Variants in ADGRG4 observed in about 807,000 individuals in gnomAD.
ADGRG4 encodes adhesion G protein-coupled receptor G4.
ADGRG4 carries 122 observed loss-of-function variants against 126.2 expected under a neutral mutation model. The observed-to-expected ratio is 0.97, with a 90% CI of 0.83 to 1.12. The LOEUF is 1.12. Among genes scored for constraint, ADGRG4 ranks in the 50% most tolerant of loss-of-function variants. The probability of loss-of-function intolerance (pLI) is 0.00; values close to 1 mark genes in which losing one functional copy is unlikely to be tolerated. For synonymous variants in ADGRG4, 943 were observed against 838.7 expected (o/e 1.12, Z -2.15); for missense variants, 2,481 against 2,251.8 (o/e 1.10, Z -2.06).
At chrX:136,389,895 T>C (rs1987855555) in intron 16 of ADGRG4, among the ~76,000 whole-genome samples, 2 of 112,028 alleles carry the variant, frequency 1.8e-5, no homozygotes, top group African/African-American at 6.5e-5. Flanking sequence ...TGCCACTGGT[T>C]ATTGGGGAAA....
intron 5 of ADGRG4, among the ~76,000 whole-genome samples, chrX:136,338,437 C>T (rs1455234062): frequency 9.0e-6 from 1 of 111,290 alleles, no homozygotes; most frequent in East Asian, 2.8e-4. Flanking sequence ...CATGAGCCAC[C>T]AAGCCTGGCC....
intron 7 of ADGRG4, among the ~76,000 whole-genome samples, chrX:136,352,761 A>G (rs1292967429): frequency 8.9e-6 from 1 of 111,919 alleles, no homozygotes; most frequent in Non-Finnish European, 1.9e-5. Context: ...TCAAGTGTCT[A>G]TGGCTTGGTT....
intron 15 of ADGRG4, among the ~76,000 whole-genome samples, chrX:136,376,624 CT>C (rs1179051195): frequency 9.5e-4 from 89 of 94,000 alleles, no homozygotes; most frequent in Non-Finnish European, 1.6e-3. Context: ...AAGTATATTC[CT>C]GGGTATTGTA....
chrX:136,301,181 T>C (rs1405918528), intron 1 of ADGRG4, among the ~76,000 whole-genome samples, 181 bp downstream of exon 1: 1 of 112,036 alleles, frequency 8.9e-6, no homozygotes, highest in Non-Finnish European at 1.9e-5. Flanking sequence ...CACAATGGTT[T>C]AACCAGTTTA....
chrX:136,345,875 A>G lies in ADGRG4; in HGVS notation c.2169A>G (p.Arg723=), dbSNP rs1386552551. The change falls in exon 6 of 26, where the codon AGA becomes AGG. Residue 723 remains arginine, a synonymous_variant. Transcript: ENST00000394143. The stretch of plus-strand genomic sequence containing the variant: ...CTGCCAATGATGCTACTACAGCCAG[A>G]TATACAACAGCTGTATCCAAATTGA... The part of the protein sequence containing the change: ...GTTANDATTA[R]YTTAVSKLTS... 8.3e-7 allele frequency: 1 copy of G among 1,208,436 alleles called. No homozygotes were observed. The highest frequency in any genetic ancestry group is 1.1e-6 in the Non-Finnish European group (1 of 893,710).
rs767562866 is a variant in ADGRG4 at position 136,345,283 on chromosome X, A to G, written c.1577A>G (p.Glu526Gly). Residue 526 changes from glutamate to glycine, a missense_variant, in exon 6 of 26, where the codon GAA becomes GGA. Glu to Gly is a moderately conservative substitution (Grantham distance 98). Coordinates refer to ENST00000394143, the MANE Select transcript of ADGRG4 (RefSeq NM_153834.4). ...CCTGCCCCAAGGACAGCTGAAACAGAATTGACATCTACAAATTTTCAGGAT... is the reference window on the plus strand; with the variant it reads ...CCTGCCCCAAGGACAGCTGAAACAGGATTGACATCTACAAATTTTCAGGAT... The part of the protein sequence containing the change: ...TTPAPRTAET[E>G]LTSTNFQDVS... 2.5e-6 allele frequency: 3 copies of G among 1,210,853 alleles called. No homozygotes were observed. Among genetic ancestry groups the G allele is most frequent in the Non-Finnish European group, 3.4e-6 (3 of 894,858 alleles).
intron 15 of ADGRG4, among the ~76,000 whole-genome samples, chrX:136,385,749 A>G (rs1267864033): frequency 1.8e-5 from 2 of 112,422 alleles, no homozygotes; most frequent in African/African-American, 6.5e-5. Context: ...GATTTTTGTC[A>G]TAACAGGCAA....
chrX:136,405,662 T>G lies in ADGRG4; in HGVS notation c.8655-30T>G, dbSNP rs148360050. On this transcript the variant is annotated intron_variant, in intron 22 of 25. Coordinates refer to ENST00000394143, the MANE Select transcript of ADGRG4 (RefSeq NM_153834.4). ...AGAAATAGGACTTTATGTTTCCCTA[T>G]CTCATGATAGTCTTCTTTGTTTCTT... The G allele has an allele frequency of 8.6e-5, 93 of 1,076,148 alleles. No individual in the cohort carries two copies. The African/African-American group carries it at 1.7e-3, about 19-fold the overall frequency. The allele number at this position is 1,076,148 out of a possible 1,213,427, so 88.7% of individuals were successfully genotyped here. A position where few individuals can be genotyped will look rare whatever the true frequency, so the allele number is the denominator to read the frequency against.
chrX:136,386,049 A>G (rs1017817463), intron 15 of ADGRG4, among the ~76,000 whole-genome samples: 1 of 111,896 alleles, frequency 8.9e-6, no homozygotes, highest in Non-Finnish European at 1.9e-5. Flanking sequence ...GATGTCCTTC[A>G]CAGCATTAGT....
intron 2 of ADGRG4, among the ~76,000 whole-genome samples, 190 bp from the exon 3 acceptor site, chrX:136,304,665 T>C (rs1313121668): frequency 2.7e-5 from 3 of 112,225 alleles, no homozygotes; most frequent in Non-Finnish European, 5.6e-5. Flanking sequence ...GCATAGTTTA[T>C]GAAGTATTGA....
In ADGRG4 at chrX:136,361,535, A is replaced by G; in HGVS notation, c.7225A>G (p.Thr2409Ala). 1 of 1,193,429 alleles carries G rather than the reference A, an allele frequency of 8.4e-7. No individual in the cohort carries two copies. The highest frequency in any genetic ancestry group is 1.7e-5 in the African/African-American group (1 of 57,358). Residue 2409 changes from threonine to alanine, a missense_variant, in exon 12 of 26, where the codon ACA (threonine) becomes GCA (alanine). Thr to Ala is a moderately conservative substitution (Grantham distance 58). Transcript: ENST00000394143. ...GTGGCTATTAACCAACCCTACGGAG[A>G]CAGCCCAAACCAGATGCATAAAAAA... The part of the protein sequence containing the change: ...YKWLLTNPTE[T>A]AQTRCIKNED...
chrX:136,382,140 A>G (rs766807219), intron 15 of ADGRG4, among the ~76,000 whole-genome samples: 2 of 111,257 alleles, frequency 1.8e-5, no homozygotes, highest in South Asian at 7.7e-4. Flanking sequence ...ACCCATACAC[A>G]TTTCCTGAGA....
intron 5 of ADGRG4, among the ~76,000 whole-genome samples, chrX:136,324,485 G>C (rs2074860437): frequency 9.0e-6 from 1 of 110,860 alleles, no homozygotes; most frequent in Admixed American, 9.6e-5. Flanking sequence ...ATAGCTCACT[G>C]TAACCTCTAA....
At chrX:136,323,427 G>A in intron 5 of ADGRG4, 35 bp downstream of exon 5, 2 of 1,164,003 alleles carry the variant, frequency 1.7e-6, no homozygotes, top group South Asian at 4.0e-5. Context: ...CTTAGCAAGG[G>A]TAGTGTTGAC....
chrX:136,397,197 AC>A (rs1701066067), intron 19 of ADGRG4, among the ~76,000 whole-genome samples: 2 of 111,255 alleles, frequency 1.8e-5, no homozygotes, highest in Non-Finnish European at 3.8e-5. Context: ...AGTTGTGACA[AC>A]CAAAAATGTC....
chrX:136,334,070 CTCTCTCTTTCTT>C (rs1569319237), intron 5 of ADGRG4, among the ~76,000 whole-genome samples: 2 of 91,187 alleles, frequency 2.2e-5, no homozygotes, highest in South Asian at 5.9e-4. Context: ...GGTTGAGGTT[CTCTCTCTTTCTT>C]TCTTTCTTTC....
intron 8 of ADGRG4, among the ~76,000 whole-genome samples, chrX:136,354,968 T>C (rs778239356): frequency 2.1e-4 from 23 of 111,386 alleles, no homozygotes; most frequent in Admixed American, 1.1e-3. Context: ...AACATCATTA[T>C]GTCAGCATTC....
In ADGRG4 at chrX:136,395,444, A is replaced by G. The variant is rs373102583; in HGVS notation, c.8135A>G (p.Asn2712Ser). 4.2e-6 allele frequency: 5 copies of G among 1,204,342 alleles called. No homozygotes were observed. In the African/African-American group the frequency reaches 8.7e-5, roughly 21 times the overall value. Residue 2712 changes from asparagine to serine, a missense_variant, in exon 19 of 26, where the codon AAT becomes AGT. Transcript: ENST00000394143. ...TGTAAAGTAAAGGAAACAAATGTAA[A>G]TTACACAATCTGTCAGTGTGACCAC... ...SGCKVKETNV[N>S]YTICQCDHLT...
In ADGRG4 at chrX:136,397,870, G is replaced by T. The variant is rs2075359157; in HGVS notation, c.8185-11G>T. On this transcript the variant is annotated splice_polypyrimidine_tract_variant and intron_variant, in intron 19 of 25. Transcript: ENST00000394143. ...GTGTATGTGTAAAACACAACACATT[G>T]TGTTCCTTAGGATTTATCCAGGTCT... is the stretch of plus-strand genomic sequence containing the variant. 8.3e-7 allele frequency: 1 copy of T among 1,205,271 alleles called. No individual in the cohort carries two copies. The highest frequency in any genetic ancestry group is 1.1e-6 in the Non-Finnish European group (1 of 891,202).
Sources: gnomAD v4.1 joint callset for allele counts (sites outside exome capture counted in the v4.1 genomes callset) on GRCh38, gnomAD v4.1.1 for gene constraint, MANE v1.5 for transcripts, NCBI Gene and HGNC (gene_info 2026-07-23, HGNC 2026-07-21) for gene names.